PCDH9: variants seen among roughly 807,000 people sequenced by gnomAD.
The protein encoded by PCDH9 is protocadherin-9.
A neutral mutation model predicts 70.6 loss-of-function variants in PCDH9; 24 were observed. That is an observed-to-expected ratio of 0.34 (90% CI 0.25 to 0.48). The LOEUF (loss-of-function observed/expected upper bound fraction) is 0.48, where lower values mean the gene tolerates loss of function less well. PCDH9 is among the 20% of genes least tolerant of loss of function. The pLI, the probability that PCDH9 is intolerant of heterozygous loss-of-function variation, is 0.99. For synonymous variants in PCDH9, 562 were observed against 558.5 expected (o/e 1.01, Z -0.09); for missense variants, 1,281 against 1,503.6 (o/e 0.85, Z 2.45).
chr13:66,991,657 A>G (rs1328857762), intron 2 of PCDH9, among the ~76,000 whole-genome samples: 4 of 152,090 alleles, frequency 2.6e-5, no homozygotes, highest in Admixed American at 2.6e-4. Flanking sequence ...CTGAAAAATA[A>G]TTTTGAATGA....
intron 4 of PCDH9, among the ~76,000 whole-genome samples, chr13:66,352,941 T>C (rs1956315558): frequency 6.6e-6 from 1 of 152,148 alleles, no homozygotes; most frequent in African/African-American, 2.4e-5. Flanking sequence ...GATCTAGCCA[T>C]TAAATGATAG....
intron 3 of PCDH9, among the ~76,000 whole-genome samples, chr13:66,707,376 CA>C (rs1168057890): frequency 6.6e-6 from 1 of 152,244 alleles, no homozygotes; most frequent in East Asian, 1.9e-4. Flanking sequence ...AAGCAAGTGA[CA>C]AATACAAAAA....
intron 4 of PCDH9, among the ~76,000 whole-genome samples, chr13:66,378,639 T>A (rs532734000): frequency 6.6e-6 from 1 of 152,352 alleles, no homozygotes; most frequent in African/African-American, 2.4e-5. Context: ...TGCTCTTGTG[T>A]ATCATTATCA....
intron 4 of PCDH9, among the ~76,000 whole-genome samples, chr13:66,456,551 C>T (rs563895383): frequency 1.7e-4 from 26 of 152,136 alleles, no homozygotes; most frequent in Non-Finnish European, 2.6e-4. Flanking sequence ...TGAATTACCA[C>T]GCTCAGCCTT....
chr13:66,618,458 A>T (rs912296334), intron 4 of PCDH9, among the ~76,000 whole-genome samples: 10 of 152,136 alleles, frequency 6.6e-5, no homozygotes, highest in Admixed American at 6.5e-4. Context: ...AAAATTTCAA[A>T]TTGTTTTGAA....
intron 4 of PCDH9, among the ~76,000 whole-genome samples, chr13:66,453,507 G>A (rs1958256671): frequency 7.0e-6 from 1 of 143,376 alleles, no homozygotes; most frequent in Non-Finnish European, 1.5e-5. Context: ...TTCTTTAAAG[G>A]CAGACTTGTT....
At chr13:67,051,207 T>C (rs923861350) in intron 2 of PCDH9, among the ~76,000 whole-genome samples, 3 of 152,252 alleles carry the variant, frequency 2.0e-5, no homozygotes, top group African/African-American at 7.2e-5. Context: ...AGCCATATTT[T>C]ACTCCAAAAG....
intron 2 of PCDH9, among the ~76,000 whole-genome samples, chr13:67,194,777 A>C (rs2089014900): frequency 6.6e-6 from 1 of 152,212 alleles, no homozygotes; most frequent in Non-Finnish European, 1.5e-5. Context: ...AGAACTGAAA[A>C]GTTTTGCGAC....
In PCDH9 at chr13:66,620,353, G is replaced by A. The variant is rs550737862; in HGVS notation, c.3340+10857C>T. 4.6e-5 allele frequency among the ~76,000 whole-genome samples: 7 copies of A among 152,268 alleles called. No individual in the cohort carries two copies. In the East Asian group the frequency reaches 1.4e-3, roughly 29 times the overall value. ...GGCTCATTTTGGTGGTTAAGTATCT[G>A]AGACTTAAAGACCATGTTGACACTA... On this transcript the variant is annotated intron_variant, in intron 4 of 4. Coordinates refer to ENST00000377865, the MANE Select transcript of PCDH9 (RefSeq NM_203487.3).
intron 4 of PCDH9, among the ~76,000 whole-genome samples, chr13:66,416,458 C>T (rs947690811): frequency 6.6e-6 from 1 of 152,086 alleles, no homozygotes; most frequent in African/African-American, 2.4e-5. Flanking sequence ...CACCCAATGT[C>T]TTCCAGAAAT....
intron 4 of PCDH9, among the ~76,000 whole-genome samples, chr13:66,569,975 C>A (rs1411321179): frequency 1.3e-5 from 2 of 152,052 alleles, no homozygotes; most frequent in African/African-American, 4.8e-5. Flanking sequence ...TATTAAATAG[C>A]AGCTTTATTC....
At chr13:66,689,871 T>C (rs761362445) in intron 3 of PCDH9, among the ~76,000 whole-genome samples, 13 of 152,160 alleles carry the variant, frequency 8.5e-5, no homozygotes, top group Non-Finnish European at 1.9e-4. Flanking sequence ...GGCACAGACT[T>C]GAGTTTTATT....
intron 3 of PCDH9, among the ~76,000 whole-genome samples, chr13:66,871,614 A>C (rs1030386913): frequency 8.6e-5 from 13 of 152,020 alleles, no homozygotes; most frequent in Non-Finnish European, 4.4e-5. Flanking sequence ...ATCCTTCTAA[A>C]TCAGGATAAG....
intron 4 of PCDH9, among the ~76,000 whole-genome samples, chr13:66,430,931 T>A (rs1019280078): frequency 1.3e-5 from 2 of 152,098 alleles, no homozygotes; most frequent in Non-Finnish European, 2.9e-5. Flanking sequence ...CAGCAATTCA[T>A]ACATTCACAA....
chr13:66,985,808 G>A (rs2083879823), intron 2 of PCDH9: 1 of 151,894 alleles, frequency 6.6e-6, no homozygotes, highest in African/African-American at 2.4e-5. Context: ...GAGTTGGGGT[G>A]GATTATGCTC....
chr13:66,721,145 C>G (rs748714555), intron 3 of PCDH9, among the ~76,000 whole-genome samples: 1 of 152,040 alleles, frequency 6.6e-6, no homozygotes, highest in Non-Finnish European at 1.5e-5. Context: ...TGTATGAAAC[C>G]GTCATGCTGT....
At chr13:66,729,611 C>T (rs2079046760) in intron 3 of PCDH9, among the ~76,000 whole-genome samples, 1 of 152,152 alleles carries the variant, frequency 6.6e-6, no homozygotes, top group South Asian at 2.1e-4. Context: ...AACTTCTATA[C>T]ACCTTCCTTC....
rs555152143 is a variant in PCDH9 at position 66,468,443 on chromosome 13, C to T, written c.3340+162767G>A. On this transcript the variant is annotated intron_variant, in intron 4 of 4. Transcript: ENST00000377865. The stretch of plus-strand genomic sequence containing the variant: ...GAAAAGGTAGATAACTGTCATTTCC[C>T]TGACTCACCTAGTAATGAAACTGTT... Among the ~76,000 whole-genome samples, 97 of 152,230 alleles carry T rather than the reference C, an allele frequency of 6.4e-4. 1 individual carries two copies. The highest frequency in any genetic ancestry group is 1.2e-3 in the Non-Finnish European group (82 of 68,002).
intron 3 of PCDH9, among the ~76,000 whole-genome samples, chr13:66,783,388 C>G (rs2080030640): frequency 6.6e-6 from 1 of 152,160 alleles, no homozygotes; most frequent in Non-Finnish European, 1.5e-5. Context: ...AAGACTAAGT[C>G]ACCATGCCAA....
Sources: gnomAD v4.1 joint callset for allele counts (sites outside exome capture counted in the v4.1 genomes callset) on GRCh38, gnomAD v4.1.1 for gene constraint, MANE v1.5 for transcripts, NCBI Gene and HGNC (gene_info 2026-07-23, HGNC 2026-07-21) for gene names.